The following NRXN2 variants were observed in gnomAD, a reference collection of about 807,000 sequenced individuals.
NRXN2 encodes neurexin 2.
A neutral mutation model predicts 128.8 loss-of-function variants in NRXN2; 29 were observed. The ratio of observed to expected loss-of-function variants is 0.23; its 90% CI spans 0.17 to 0.31. The LOEUF (loss-of-function observed/expected upper bound fraction) is 0.31. NRXN2 is among the 10% of genes least tolerant of loss of function. NRXN2 has a pLI of 1.00. For synonymous variants in NRXN2, 1,098 were observed against 1,075.2 expected (o/e 1.02, Z -0.41); for missense variants, 1,881 against 2,452.6 (o/e 0.77, Z 4.92).
At position 64,622,320 on chromosome 11, in the gene NRXN2, T is replaced by C. The variant is rs911814053; in HGVS notation, c.4173+433A>G. 1.3e-5 allele frequency among the ~76,000 whole-genome samples: 2 copies of C among 152,144 alleles called. No homozygotes were observed. The highest frequency in any genetic ancestry group is 4.8e-5 in the African/African-American group (2 of 41,430). On this transcript the variant is annotated intron_variant, in intron 21 of 22. Transcript: ENST00000265459. The surrounding 1 kb of genome is among the most constrained non-coding windows in gnomAD (Gnocchi z 4.3). ...TCCAGCCCTCCCATGCTGTCACCCC[T>C]GCCCACAGCAGGGCCAGCCTGGTAC...
intron 1 of NRXN2, among the ~76,000 whole-genome samples, chr11:64,715,752 G>A (rs886490449): frequency 6.6e-6 from 1 of 152,156 alleles, no homozygotes; most frequent in African/African-American, 2.4e-5. Context: ...GCCTCTGCCC[G>A]GGCAGTGGGG....
Position 64,651,642 on chromosome 11 carries a change from C to T in NRXN2, c.2537-6G>A. The T allele has an allele frequency of 1.2e-6, 2 of 1,613,648 alleles. No homozygotes were observed. Among genetic ancestry groups the T allele is most frequent in the African/African-American group, 2.7e-5 (2 of 75,032 alleles). On this transcript the variant is annotated splice_polypyrimidine_tract_variant and splice_region_variant and intron_variant, in intron 13 of 22. Coordinates refer to ENST00000265459, the MANE Select transcript of NRXN2 (RefSeq NM_015080.4). The surrounding 1 kb of genome is among the most constrained non-coding windows in gnomAD (Gnocchi z 5.9). Reference sequence around the variant, plus strand: ...ATGGGCTCCTGCCATCTGTCCTGCTCAGGACAGGAGACCAAGATGAGGGGG... The same window carrying T: ...ATGGGCTCCTGCCATCTGTCCTGCTTAGGACAGGAGACCAAGATGAGGGGG...
At position 64,652,126 on chromosome 11, in the gene NRXN2, C is replaced by T. The variant is rs891826632; in HGVS notation, c.2445G>A (p.Gly815=). 3 of 1,613,114 alleles carry T rather than the reference C, an allele frequency of 1.9e-6. No homozygotes were observed. Among genetic ancestry groups the T allele is most frequent in the Non-Finnish European group, 1.7e-6 (2 of 1,179,954 alleles). The change falls in exon 13 of 23, where the codon GGG becomes GGA. Residue 815 remains glycine (G), a synonymous_variant. Transcript: ENST00000265459. ...PSKGPETLFA[G]HKLNDNEWHT... ...GCCACTCATTGTCATTGAGCTTGTG[C>T]CCCGCAAACAGCGTTTCGGGGCCTT...
chr11:64,641,542 GGA>G (rs1004127733), intron 17 of NRXN2, among the ~76,000 whole-genome samples: 2 of 151,948 alleles, frequency 1.3e-5, no homozygotes, highest in Admixed American at 6.6e-5. Flanking sequence ...CACAGAGTAT[GGA>G]GGACAGAGAT....
At chr11:64,689,405 C>T (rs191682217) in intron 5 of NRXN2, among the ~76,000 whole-genome samples, 102 of 152,250 alleles carry the variant, frequency 6.7e-4, no homozygotes, top group African/African-American at 2.3e-3. Flanking sequence ...AAAGAGTCTG[C>T]ACTTTTCATG....
At chr11:64,636,854 G>A (rs994983797) in intron 17 of NRXN2, among the ~76,000 whole-genome samples, 9 of 152,050 alleles carry the variant, frequency 5.9e-5, no homozygotes, top group Admixed American at 4.6e-4. Flanking sequence ...GGGGTCTCTC[G>A]CCTCAGGGAC....
At chr11:64,695,692 G>C (rs1001395078) in intron 3 of NRXN2, among the ~76,000 whole-genome samples, 9 of 152,000 alleles carry the variant, frequency 5.9e-5, no homozygotes, top group Non-Finnish European at 1.3e-4. Context: ...GAGTGACACA[G>C]AGATGTGTCA....
At position 64,661,499 on chromosome 11, in the gene NRXN2, C is replaced by T. The variant is rs187850520; in HGVS notation, c.1799-360G>A. 578 of 791,554 alleles carry T rather than the reference C, an allele frequency of 7.3e-4. 1 individual carries two copies. Among genetic ancestry groups the T allele is most frequent in the African/African-American group, 7.2e-3 (410 of 56,756 alleles). The allele number at this position is 791,554 out of a possible 1,614,324, so 49.0% of individuals were successfully genotyped here. On this transcript the variant is annotated intron_variant, in intron 9 of 22. Coordinates refer to ENST00000265459, the MANE Select transcript of NRXN2 (RefSeq NM_015080.4). ...GGTTGGATCATTCACTGGGTCATTC[C>T]TGCCAGCCAGTTCCTTAGACTGGGA... is the stretch of plus-strand genomic sequence containing the variant.
chr11:64,681,825 G>C (rs888621798), intron 6 of NRXN2, among the ~76,000 whole-genome samples: 24 of 152,220 alleles, frequency 1.6e-4, no homozygotes, highest in African/African-American at 5.3e-4. Flanking sequence ...GATGAGTATG[G>C]AGAACAGCAC....
At chr11:64,625,259 C>T (rs1446764559) in intron 20 of NRXN2, among the ~76,000 whole-genome samples, 2 of 152,192 alleles carry the variant, frequency 1.3e-5, no homozygotes, top group Non-Finnish European at 2.9e-5. Flanking sequence ...CCCTTGGCCT[C>T]TCTGATTCTG....
intron 2 of NRXN2, among the ~76,000 whole-genome samples, chr11:64,705,833 C>T (rs1156323131): frequency 6.7e-6 from 1 of 150,018 alleles, no homozygotes; most frequent in African/African-American, 2.5e-5. Context: ...CATCTCTGAC[C>T]CCTCTCCTCC....
chr11:64,611,005 T>G (rs1473880877), intron 22 of NRXN2, among the ~76,000 whole-genome samples: 2 of 152,192 alleles, frequency 1.3e-5, no homozygotes, highest in African/African-American at 2.4e-5. Flanking sequence ...GCCTTGAGTG[T>G]CTCTGACACC....
rs371732657 is a variant in NRXN2 at position 64,630,585 on chromosome 11, G to A, written c.3586-12C>T. ...ACGGTGCCCTGGTCCTGGGGACATGGAGGTGGAGGTCAGCGACCAGAGGGA... is the reference window on the plus strand; with the variant it reads ...ACGGTGCCCTGGTCCTGGGGACATGAAGGTGGAGGTCAGCGACCAGAGGGA... On this transcript the variant is annotated splice_polypyrimidine_tract_variant and intron_variant, in intron 18 of 22. Coordinates refer to ENST00000265459, the MANE Select transcript of NRXN2 (RefSeq NM_015080.4). The surrounding 1 kb of genome is among the most constrained non-coding windows in gnomAD (Gnocchi z 4.6). 10 of 1,613,716 alleles carry A rather than the reference G, an allele frequency of 6.2e-6. No homozygotes were observed. The highest frequency in any genetic ancestry group is 1.3e-5 in the African/African-American group (1 of 75,056).
intron 3 of NRXN2, among the ~76,000 whole-genome samples, chr11:64,695,332 T>A (rs1301716349): frequency 6.6e-6 from 1 of 152,142 alleles, no homozygotes; most frequent in Non-Finnish European, 1.5e-5. Context: ...CTCTTTGCCC[T>A]GCCACTAGAG....
intron 17 of NRXN2, among the ~76,000 whole-genome samples, chr11:64,636,233 G>A (rs1299565231): frequency 6.6e-6 from 1 of 151,916 alleles, no homozygotes; most frequent in Non-Finnish European, 1.5e-5. Context: ...CGGAGATGAA[G>A]GCTCCCTCTC....
chr11:64,708,236 A>C (rs1351511183), intron 2 of NRXN2, among the ~76,000 whole-genome samples: 3 of 152,140 alleles, frequency 2.0e-5, no homozygotes, highest in Non-Finnish European at 4.4e-5. Context: ...ATCACAAAAC[A>C]CATGAGACAC....
chr11:64,642,715 G>A lies in NRXN2; in HGVS notation c.3403+5504C>T, dbSNP rs1224078570. ...CGGCAACAGCGGCAGCAGAGGTGGC[G>A]GCGGCGGCGGTGGAGGCGGCGGCAG... is the stretch of plus-strand genomic sequence containing the variant. On this transcript the variant is annotated intron_variant, in intron 17 of 22. Coordinates refer to ENST00000265459, the MANE Select transcript of NRXN2 (RefSeq NM_015080.4). 13 of 1,463,690 alleles carry A rather than the reference G, an allele frequency of 8.9e-6. 1 individual carries two copies. Among genetic ancestry groups the A allele is most frequent in the Middle Eastern group, 2.0e-4 (1 of 4,940 alleles). The allele number at this position is 1,463,690 out of a possible 1,614,324, so 90.7% of individuals were successfully genotyped here. A position where few individuals can be genotyped will look rare whatever the true frequency, so the allele number is the denominator to read the frequency against.
intron 2 of NRXN2, chr11:64,712,594 C>T: frequency 2.4e-6 from 1 of 413,736 alleles, no homozygotes; most frequent in Non-Finnish European, 5.1e-6. Flanking sequence ...TTTAATGGGC[C>T]CTGTCCACGC....
At chr11:64,620,704 G>GGCA (rs1555011589) in intron 21 of NRXN2, among the ~76,000 whole-genome samples, 1 of 148,920 alleles carries the variant, frequency 6.7e-6, no homozygotes, top group Non-Finnish European at 1.5e-5. Context: ...GATCTAGGAT[G>GGCA]CCTCAGGGAA....
Sources: gnomAD v4.1 joint callset for allele counts (sites outside exome capture counted in the v4.1 genomes callset) on GRCh38, gnomAD v4.1.1 for gene constraint, Gnocchi (gnomAD v3.1) non-coding constraint, MANE v1.5 for transcripts, NCBI Gene and HGNC (gene_info 2026-07-23, HGNC 2026-07-21) for gene names.